The following SORCS3 variants were observed in gnomAD, a reference collection of about 807,000 sequenced individuals.
SORCS3 encodes sortilin related VPS10 domain containing receptor 3.
A neutral mutation model predicts 146.3 loss-of-function variants in SORCS3; 57 were observed. The observed-to-expected ratio is 0.39, with a 90% CI of 0.31 to 0.49. The LOEUF is 0.49. SORCS3 is among the 20% of genes least tolerant of loss of function. SORCS3 has a pLI of 0.92. For synonymous variants in SORCS3, 653 were observed against 618.5 expected, an observed-to-expected ratio of 1.06 and a Z score of -0.83; for missense variants, 1,341 against 1,575.5, an observed-to-expected ratio of 0.85 and a Z score of 2.52.
intron 1 of SORCS3, among the ~76,000 whole-genome samples, chr10:104,695,770 T>C (rs2016167458): frequency 6.6e-6 from 1 of 151,668 alleles, no homozygotes; most frequent in Admixed American, 6.6e-5. Context: ...TAGATCCGTA[T>C]ATATAGATCG....
chr10:104,698,671 C>G (rs1480161289), intron 1 of SORCS3, among the ~76,000 whole-genome samples: 1 of 152,110 alleles, frequency 6.6e-6, no homozygotes, highest in Non-Finnish European at 1.5e-5. Context: ...AAATGGCTAT[C>G]CTGTGTAACT....
At chr10:104,760,081 G>A (rs61228995) in intron 1 of SORCS3, among the ~76,000 whole-genome samples, 1 of 152,198 alleles carries the variant, frequency 6.6e-6, no homozygotes, top group Non-Finnish European at 1.5e-5. Flanking sequence ...AATCCCAGGT[G>A]GGGGAAGAGC....
intron 4 of SORCS3, among the ~76,000 whole-genome samples, chr10:105,004,687 TG>T (rs1025443480): frequency 1.3e-5 from 2 of 151,732 alleles, no homozygotes; most frequent in African/African-American, 4.8e-5. Flanking sequence ...GTGAGCCCTG[TG>T]GGGGTATAGA....
intron 1 of SORCS3, among the ~76,000 whole-genome samples, chr10:104,744,237 A>T (rs1360332956): frequency 1.3e-5 from 2 of 152,162 alleles, no homozygotes; most frequent in Non-Finnish European, 2.9e-5. Flanking sequence ...AATAATGAAG[A>T]ACAAAGAACT....
chr10:104,834,338 A>G (rs1405377789), intron 1 of SORCS3, among the ~76,000 whole-genome samples: 1 of 151,216 alleles, frequency 6.6e-6, no homozygotes, highest in Non-Finnish European at 1.5e-5. Flanking sequence ...GCCTCCCAAT[A>G]TCTCCCTCAC....
At position 105,262,467 on chromosome 10, in the gene SORCS3, A is replaced by G. The variant is rs2056967494; in HGVS notation, c.3580A>G (p.Lys1194Glu). 2 of 1,613,926 alleles carry G rather than the reference A, an allele frequency of 1.2e-6. No homozygotes were observed. Among genetic ancestry groups the G allele is most frequent in the African/African-American group, 2.7e-5 (2 of 75,044 alleles). ...TACGGAGCCTGAGGAGCTGCTGGAC[A>G]AAGAGCTGGACACGCGGGTCATAGG... Reference protein sequence around the residue: ...DFTEPEELLDKELDTRVIGGI... With the variant: ...DFTEPEELLDEELDTRVIGGI... Residue 1194 changes from lysine to glutamate, a missense_variant, in exon 26 of 27, where the codon AAA becomes GAA. Coordinates refer to ENST00000369701, the MANE Select transcript of SORCS3 (RefSeq NM_014978.3).
At chr10:104,824,099 C>T (rs2017907707) in intron 1 of SORCS3, among the ~76,000 whole-genome samples, 1 of 152,188 alleles carries the variant, frequency 6.6e-6, no homozygotes. Context: ...CCTACCAATA[C>T]CTTGATTATA....
intron 14 of SORCS3, among the ~76,000 whole-genome samples, chr10:105,192,569 C>T (rs970885335): frequency 2.0e-5 from 3 of 152,100 alleles, no homozygotes; most frequent in African/African-American, 4.8e-5. Context: ...ACTGGAGTCT[C>T]TGAGGACAGA....
Position 104,847,730 on chromosome 10 carries a change from G to C in SORCS3, c.695+4871G>C, listed in dbSNP as rs541333029. Among the ~76,000 whole-genome samples, 43 of 152,104 alleles carry C rather than the reference G, an allele frequency of 2.8e-4. 1 individual carries two copies. Among genetic ancestry groups the C allele is most frequent in the Non-Finnish European group, 5.6e-4 (38 of 68,024 alleles). On this transcript the variant is annotated intron_variant, in intron 2 of 26. Coordinates refer to ENST00000369701, the MANE Select transcript of SORCS3 (RefSeq NM_014978.3). Reference sequence around the variant, plus strand: ...ATGATCCCTTCAATTGGTAGACCTTGGTTCTTCACCTCTCTCCTCTCTTGC... The same window carrying C: ...ATGATCCCTTCAATTGGTAGACCTTCGTTCTTCACCTCTCTCCTCTCTTGC...
chr10:105,080,171 T>C (rs2055613500), intron 5 of SORCS3, among the ~76,000 whole-genome samples: 1 of 152,178 alleles, frequency 6.6e-6, no homozygotes, highest in Non-Finnish European at 1.5e-5. Context: ...TTTACACTCA[T>C]ACCAACGTGC....
chr10:104,914,342 G>A (rs1345648350), intron 2 of SORCS3, among the ~76,000 whole-genome samples: 1 of 152,194 alleles, frequency 6.6e-6, no homozygotes, highest in African/African-American at 2.4e-5. Flanking sequence ...GGTGCCTAAG[G>A]ATGGGGAAAT....
intron 5 of SORCS3, among the ~76,000 whole-genome samples, chr10:105,071,299 C>A (rs2055554766): frequency 1.3e-5 from 2 of 152,174 alleles, no homozygotes; most frequent in Admixed American, 1.3e-4. Flanking sequence ...CTATTAGAAT[C>A]CTGGCTAAAA....
chr10:105,057,441 T>G (rs2055453109), intron 5 of SORCS3, among the ~76,000 whole-genome samples: 1 of 152,174 alleles, frequency 6.6e-6, no homozygotes, highest in African/African-American at 2.4e-5. Flanking sequence ...CACCCTGAAG[T>G]GTCTAATTCC....
chr10:105,208,183 A>G (rs1349356014), intron 16 of SORCS3, among the ~76,000 whole-genome samples: 2 of 152,142 alleles, frequency 1.3e-5, no homozygotes, highest in African/African-American at 4.8e-5. Flanking sequence ...TCTACTAAAA[A>G]TACAAAAATT....
chr10:105,137,628 T>C (rs2056068008), intron 7 of SORCS3, among the ~76,000 whole-genome samples: 1 of 152,138 alleles, frequency 6.6e-6, no homozygotes, highest in Non-Finnish European at 1.5e-5. Flanking sequence ...AGTCTAGTTA[T>C]GAGGTGTTCA....
chr10:104,768,839 G>T (rs1211697687), intron 1 of SORCS3, among the ~76,000 whole-genome samples: 1 of 152,182 alleles, frequency 6.6e-6, no homozygotes, highest in Non-Finnish European at 1.5e-5. Context: ...TGTCATGGAG[G>T]CAAAATGAGA....
chr10:104,952,498 T>G (rs532781814), intron 3 of SORCS3, among the ~76,000 whole-genome samples: 9 of 152,142 alleles, frequency 5.9e-5, no homozygotes, highest in Non-Finnish European at 1.3e-4. Context: ...TTGAAACGCA[T>G]TACTCGAAAT....
At chr10:105,036,130 C>T (rs927403938) in intron 4 of SORCS3, among the ~76,000 whole-genome samples, 1 of 152,152 alleles carries the variant, frequency 6.6e-6, no homozygotes, top group Non-Finnish European at 1.5e-5. Context: ...AAGATGAGAT[C>T]ATGTTTCTGT....
At chr10:105,115,502 A>G (rs1321628909) in intron 7 of SORCS3, among the ~76,000 whole-genome samples, 1 of 152,222 alleles carries the variant, frequency 6.6e-6, no homozygotes, top group Non-Finnish European at 1.5e-5. Flanking sequence ...CAATTCATGT[A>G]TCAACATATG....
Sources: gnomAD v4.1 joint callset for allele counts (sites outside exome capture counted in the v4.1 genomes callset) on GRCh38, gnomAD v4.1.1 for gene constraint, MANE v1.5 for transcripts, NCBI Gene and HGNC (gene_info 2026-07-23, HGNC 2026-07-21) for gene names.